The following PRAMEF15 variants were observed in gnomAD, a reference collection of about 807,000 sequenced individuals.
PRAMEF15 encodes the protein PRAME family member 15.
Under a neutral mutation model 35.3 loss-of-function variants are expected in PRAMEF15, and 21 were observed. The ratio of observed to expected loss-of-function variants is 0.59; its 90% CI spans 0.42 to 0.86. The LOEUF (loss-of-function observed/expected upper bound fraction) is 0.86, where lower values mean the gene tolerates loss of function less well. PRAMEF15 is among the 40% of genes least tolerant of loss of function. PRAMEF15 has a pLI of 0.00. For missense variants in PRAMEF15, 360 were observed against 574.1 expected, an observed-to-expected ratio of 0.63 and a Z score of 3.81; for synonymous variants, 122 against 223.3, an observed-to-expected ratio of 0.55 and a Z score of 4.05.
chr1:13,319,297 C>T, intron 2 of PRAMEF15, 75 bp from the exon 3 acceptor site: 1 of 1,594,560 alleles, frequency 6.3e-7, no homozygotes, highest in South Asian at 1.1e-5. Flanking sequence ...AGGGGAGGAG[C>T]TGCTATCCAG....
At position 13,322,068 on chromosome 1, in the gene PRAMEF15, T is replaced by G. The variant is rs2100327468; in HGVS notation, c.1241T>G (p.Leu414Arg). The change falls in exon 4 of 4, where the codon CTG becomes CGG. Residue 414 changes from leucine (L) to arginine (R), a missense_variant. Physicochemically the swap from Leu to Arg is moderately radical, Grantham distance 102 (BLOSUM62 -2). This residue lies in a region of PRAMEF15 where 147 missense variants were observed against 123.5 expected (regional missense o/e 1.19). Coordinates refer to ENST00000376152, the MANE Select transcript of PRAMEF15 (RefSeq NM_001098376.3). ...ATACTCAAAAACTTATGTGTGGAGC[T>G]GTATCCTGCCCCCCGAGAGAGTTAT... ...TIILKNLCVELYPAPRESYGA... is the reference protein window; with the variant it reads ...TIILKNLCVERYPAPRESYGA... The G allele has an allele frequency of 6.2e-7, 1 of 1,610,024 alleles. No individual in the cohort carries two copies. Among genetic ancestry groups the G allele is most frequent in the African/African-American group, 1.3e-5 (1 of 74,750 alleles).
Position 13,322,167 on chromosome 1 carries a change from T to TAAGGCACCCCAAGAGGATCTTG in PRAMEF15, c.1341_1362dup (p.Phe455LysfsTer11). ...GAGCTGATGAACAGAGTGAGGGACT[T>TAAGGCACCCCAAGAGGATCTTG]AAGGCACCCCAAGAGGATCTTGTTC... On this transcript the variant is annotated frameshift_variant, in exon 4 of 4. Transcript: ENST00000376152. LOFTEE classifies it high-confidence loss of function. 6.2e-7 allele frequency: 1 copy of TAAGGCACCCCAAGAGGATCTTG among 1,609,098 alleles called. No homozygotes were observed. Among genetic ancestry groups the TAAGGCACCCCAAGAGGATCTTG allele is most frequent in the Middle Eastern group, 2.1e-4 (1 of 4,726 alleles).
chr1:13,318,226 A>G (rs1485923655), intron 1 of PRAMEF15, among the ~76,000 whole-genome samples, 166 bp from the exon 2 acceptor site: 25 of 152,142 alleles, frequency 1.6e-4, no homozygotes, highest in Admixed American at 5.9e-4. Context: ...CTGATGCAGC[A>G]GAGGCAGAAT....
intron 1 of PRAMEF15, among the ~76,000 whole-genome samples, chr1:13,317,428 A>G (rs1240636071): frequency 6.6e-6 from 1 of 151,924 alleles, no homozygotes; most frequent in African/African-American, 2.4e-5. Context: ...TATCTTGCGA[A>G]TGATGCATAA....
chr1:13,319,585 C>T lies in PRAMEF15; in HGVS notation c.507C>T (p.Leu169=). 1 of 1,613,380 alleles carries T rather than the reference C, an allele frequency of 6.2e-7. No homozygotes were observed. The highest frequency in any genetic ancestry group is 8.5e-7 in the Non-Finnish European group (1 of 1,179,444). The part of the protein sequence containing the change: ...NRTLDEYLTY[L]LLWVKQRKDL... The stretch of plus-strand genomic sequence containing the variant: ...CTCTGGATGAATACCTCACCTACCT[C>T]CTTCTATGGGTCAAGCAGAGGAAAG... Residue 169 remains leucine (L), a synonymous_variant, in exon 3 of 4, where the codon CTC becomes CTT. Coordinates refer to ENST00000376152, the MANE Select transcript of PRAMEF15 (RefSeq NM_001098376.3).
chr1:13,322,142 G>T lies in PRAMEF15; in HGVS notation c.1315G>T (p.Glu439Ter). The T allele has an allele frequency of 6.2e-7, 1 of 1,609,706 alleles. No individual in the cohort carries two copies. The highest frequency in any genetic ancestry group is 1.7e-5 in the Admixed American group (1 of 59,634). Residue 439 changes from glutamate (E) to a stop codon, truncating the protein, a stop_gained, in exon 4 of 4, where the codon GAG (glutamate) becomes TAG (stop). Transcript: ENST00000376152. LOFTEE classifies it high-confidence loss of function. ...CWSRFAQIRA[E>*]LMNRVRDLRH... is the part of the protein sequence containing the mutation. ...GAGCAGATTTGCTCAAATTAGGGCT[G>T]AGCTGATGAACAGAGTGAGGGACTT...
Position 13,322,139 on chromosome 1 carries a change from G to C in PRAMEF15, c.1312G>C (p.Ala438Pro), listed in dbSNP as rs1252937901. ...CTGGAGCAGATTTGCTCAAATTAGG[G>C]CTGAGCTGATGAACAGAGTGAGGGA... ...LCWSRFAQIR[A>P]ELMNRVRDLR... Residue 438 changes from alanine (A) to proline (P), a missense_variant, in exon 4 of 4, where the codon GCT (alanine) becomes CCT (proline). By Grantham distance (27) the Ala-to-Pro change is conservative. This residue lies in a region of PRAMEF15 where 147 missense variants were observed against 123.5 expected (regional missense o/e 1.19). Transcript: ENST00000376152. 5.0e-6 allele frequency: 8 copies of C among 1,609,476 alleles called. No homozygotes were observed. The highest frequency in any genetic ancestry group is 3.3e-5 in the South Asian group (3 of 90,716).
In PRAMEF15 at chr1:13,322,462, G is replaced by A; in HGVS notation, c.*198G>A. ...TGCCATGGATTCGATGGGACTTTGG[G>A]GACCTGTGTCCTGTAGATTCGAAAA... On this transcript the variant is annotated 3_prime_UTR_variant, in exon 4 of 4. Transcript: ENST00000376152. 1.2e-6 allele frequency: 1 copy of A among 802,100 alleles called. No homozygotes were observed. Among genetic ancestry groups the A allele is most frequent in the Non-Finnish European group, 1.9e-6 (1 of 516,512 alleles). The allele number at this position is 802,100 out of a possible 1,614,324, so 49.7% of individuals were successfully genotyped here. A position where few individuals can be genotyped will look rare whatever the true frequency, so the allele number is the denominator to read the frequency against.
At chr1:13,317,189 C>T (rs1248466786) in intron 1 of PRAMEF15, among the ~76,000 whole-genome samples, 1 of 151,630 alleles carries the variant, frequency 6.6e-6, no homozygotes, top group African/African-American at 2.4e-5. Flanking sequence ...CCTACCTCAG[C>T]CTCCCTAGTA....
At position 13,319,513 on chromosome 1, in the gene PRAMEF15, A is replaced by T; in HGVS notation, c.435A>T (p.Gly145=). Residue 145 remains glycine, a synonymous_variant, in exon 3 of 4, where the codon GGA becomes GGT. Coordinates refer to ENST00000376152, the MANE Select transcript of PRAMEF15 (RefSeq NM_001098376.3). The part of the protein sequence containing the change: ...KPVQDCPRMR[G]RQPLTVFVEL... ...TGCAGGACTGTCCAAGGATGAGAGG[A>T]CGGCAGCCCTTGACTGTGTTCGTAG... 6.2e-7 allele frequency: 1 copy of T among 1,613,938 alleles called. No individual in the cohort carries two copies. The highest frequency in any genetic ancestry group is 8.5e-7 in the Non-Finnish European group (1 of 1,179,866).
chr1:13,322,213 C>T lies in PRAMEF15; in HGVS notation c.1386C>T (p.Asp462=). ...TGTTCTGTACTGACTACTGCCCTGA[C>T]TGTGGCAACAGGTCATTTTATGACC... is the stretch of plus-strand genomic sequence containing the variant. The part of the protein sequence containing the change: ...RILFCTDYCP[D]CGNRSFYDLE... The change falls in exon 4 of 4, where the codon GAC becomes GAT. Residue 462 remains aspartate, a synonymous_variant. Transcript: ENST00000376152. 11 of 1,606,086 alleles carry T rather than the reference C, an allele frequency of 6.8e-6. No homozygotes were observed. In the South Asian group the frequency reaches 1.2e-4, roughly 18 times the overall value.
intron 3 of PRAMEF15, 103 bp downstream of exon 3, chr1:13,320,056 G>A (rs1334422239): frequency 1.3e-6 from 2 of 1,596,370 alleles, no homozygotes; most frequent in Non-Finnish European, 1.7e-6. Context: ...ATGAAACAGT[G>A]AAGAGGACAC....
At chr1:13,321,389 A>G (rs1313871505) in intron 3 of PRAMEF15, among the ~76,000 whole-genome samples, 2 of 151,308 alleles carry the variant, frequency 1.3e-5, no homozygotes, top group Non-Finnish European at 1.5e-5. Context: ...TAATTTTTGG[A>G]TTTTTAGTAG....
At chr1:13,317,707 T>A (rs1444782414) in intron 1 of PRAMEF15, among the ~76,000 whole-genome samples, 13 of 148,016 alleles carry the variant, frequency 8.8e-5, no homozygotes, top group East Asian at 4.2e-4. Flanking sequence ...AGCTGGGAGG[T>A]CAAGGCTGCA....
chr1:13,316,855 T>G (rs1640011339), intron 1 of PRAMEF15, among the ~76,000 whole-genome samples: 1 of 151,188 alleles, frequency 6.6e-6, no homozygotes, highest in Non-Finnish European at 1.5e-5. Flanking sequence ...CAGGAAGAGA[T>G]TCAACCCTTC....
chr1:13,317,543 A>G (rs1224582086), intron 1 of PRAMEF15, among the ~76,000 whole-genome samples: 1 of 151,992 alleles, frequency 6.6e-6, no homozygotes, highest in Non-Finnish European at 1.5e-5. Flanking sequence ...CAAGAGGGGT[A>G]GATTGCTTGA....
intron 3 of PRAMEF15, among the ~76,000 whole-genome samples, chr1:13,320,227 T>C (rs1640065012): frequency 3.3e-5 from 5 of 151,960 alleles, no homozygotes; most frequent in Admixed American, 3.3e-4. Context: ...GAGGGTGCCT[T>C]TCTGAATTCT....
At chr1:13,321,459 C>G (rs1399361305) in intron 3 of PRAMEF15, among the ~76,000 whole-genome samples, 1 of 151,784 alleles carries the variant, frequency 6.6e-6, no homozygotes, top group Non-Finnish European at 1.5e-5. Flanking sequence ...AAGGAATCCA[C>G]CAGTCTCAGC....
In PRAMEF15 at chr1:13,315,617, C is replaced by A. The variant is rs1313549040; in HGVS notation, c.-58C>A. On this transcript the variant is annotated 5_prime_UTR_variant, in exon 1 of 4. Transcript: ENST00000376152. Reference sequence around the variant, plus strand: ...TCAAGCCTGGAGTTCCTGCTTGGTTCTTCCTGAGGTCTGAGCACCTTCTAG... The same window carrying A: ...TCAAGCCTGGAGTTCCTGCTTGGTTATTCCTGAGGTCTGAGCACCTTCTAG... The A allele has an allele frequency of 6.6e-6, 1 of 151,230 alleles. No homozygotes were observed. The highest frequency in any genetic ancestry group is 2.1e-4 in the South Asian group (1 of 4,806). 9.4% of individuals were successfully genotyped at this position (151,230 alleles called of 1,614,324 possible). A position where few individuals can be genotyped will look rare whatever the true frequency, so the allele number is the denominator to read the frequency against.
Sources: allele counts gnomAD v4.1 joint callset (sites outside exome capture counted in the v4.1 genomes callset), GRCh38; gene constraint gnomAD v4.1.1; regional missense constraint gnomAD v4.1.1; transcripts MANE v1.5; gene names NCBI Gene and HGNC (gene_info 2026-07-23, HGNC 2026-07-21).